PIK3C2G: variants seen among roughly 807,000 people sequenced by gnomAD.
The protein encoded by PIK3C2G is phosphatidylinositol 3-kinase C2 domain-containing subunit gamma.
A neutral mutation model predicts 181.1 loss-of-function variants in PIK3C2G; 168 were observed. The ratio of observed to expected loss-of-function variants is 0.93; its 90% CI spans 0.82 to 1.05. PIK3C2G has a LOEUF of 1.05. Ranked by LOEUF, PIK3C2G falls within the 50% of genes least tolerant of loss-of-function variation. The pLI is 0.00. For synonymous variants in PIK3C2G, 573 were observed against 592.2 expected (o/e 0.97, Z 0.47); for missense variants, 1,869 against 1,732.8 (o/e 1.08, Z -1.40).
At chr12:18,455,331 T>C (rs1173624739) in intron 18 of PIK3C2G, among the ~76,000 whole-genome samples, 1 of 151,200 alleles carries the variant, frequency 6.6e-6, no homozygotes, top group Non-Finnish European at 1.5e-5. Context: ...ACCTAAGGTA[T>C]GCCAGGAGGT....
the PIK3C2G span, among the ~76,000 whole-genome samples, chr12:18,723,927 C>T: frequency 1.3e-5 from 2 of 152,052 alleles, no homozygotes; most frequent in South Asian, 2.1e-4. Flanking sequence ...GAGTCAGACA[C>T]ATTCAAGATC....
chr12:18,298,434 C>A (rs1186361890), intron 5 of PIK3C2G, among the ~76,000 whole-genome samples: 1 of 119,942 alleles, frequency 8.3e-6, no homozygotes, highest in South Asian at 2.5e-4. Flanking sequence ...TGTTGAGTTT[C>A]TTTTATATTC....
chr12:18,342,645 G>C (rs1939251230), intron 9 of PIK3C2G, among the ~76,000 whole-genome samples: 1 of 151,686 alleles, frequency 6.6e-6, no homozygotes, highest in Non-Finnish European at 1.5e-5. Flanking sequence ...TTTCATGATA[G>C]TTTAGTTACA....
chr12:18,610,288 T>C (rs56099344), intron 31 of PIK3C2G, among the ~76,000 whole-genome samples: 5,495 of 152,156 alleles, frequency 0.036, 102 homozygotes, highest in Middle Eastern at 0.075. Flanking sequence ...CTCCACGTGG[T>C]ATAACTTCCC....
At chr12:18,641,743 CTTTTT>C (rs11285609) in intron 32 of PIK3C2G, among the ~76,000 whole-genome samples, 5 of 93,164 alleles carry the variant, frequency 5.4e-5, no homozygotes, top group African/African-American at 1.5e-4. Flanking sequence ...CTCTCTCAAG[CTTTTT>C]TTTTTTTTTT....
intron 29 of PIK3C2G, among the ~76,000 whole-genome samples, chr12:18,581,512 A>G (rs1946498175): frequency 6.6e-6 from 1 of 152,220 alleles, no homozygotes; most frequent in Non-Finnish European, 1.5e-5. Context: ...CTCTTAGTGC[A>G]CAAGCACTGA....
chr12:18,288,052 C>T (rs1346579130), intron 3 of PIK3C2G, among the ~76,000 whole-genome samples: 6 of 151,974 alleles, frequency 3.9e-5, no homozygotes, highest in African/African-American at 1.5e-4. Context: ...ATCCCAGCTA[C>T]TCGGGAGGCT....
chr12:18,456,074 C>A (rs1362917745), intron 18 of PIK3C2G, among the ~76,000 whole-genome samples: 3 of 152,120 alleles, frequency 2.0e-5, no homozygotes, highest in Non-Finnish European at 4.4e-5. Context: ...AACAAAGACA[C>A]AAGTCCTTGT....
chr12:18,441,364 GA>G (rs1158137156), intron 18 of PIK3C2G, among the ~76,000 whole-genome samples: 1 of 152,194 alleles, frequency 6.6e-6, no homozygotes, highest in Non-Finnish European at 1.5e-5. Context: ...GGTAATGGTT[GA>G]AGAGGGACAT....
intron 1 of PIK3C2G, among the ~76,000 whole-genome samples, chr12:18,253,737 T>C (rs1948117098): frequency 6.6e-6 from 1 of 152,168 alleles, no homozygotes; most frequent in African/African-American, 2.4e-5. Context: ...ACAAAGTAAT[T>C]CCAGCTTGAT....
In PIK3C2G at chr12:18,555,954, G is replaced by C. The variant is rs529230940; in HGVS notation, c.3591-6749G>C. Among the ~76,000 whole-genome samples, 234 of 152,178 alleles carry C rather than the reference G, an allele frequency of 1.5e-3. 2 individuals carry two copies. Among genetic ancestry groups the C allele is most frequent in the African/African-American group, 5.3e-3 (221 of 41,552 alleles). ...TATCTATTGCTGAAATAATTGGACT[G>C]CTCTTCTCTAAGGATGAAAAGATTA... is the stretch of plus-strand genomic sequence containing the variant. On this transcript the variant is annotated intron_variant, in intron 26 of 32. Coordinates refer to ENST00000538779, the MANE Select transcript of PIK3C2G (RefSeq NM_001288772.2).
chr12:18,573,800 T>G (rs995494244), intron 29 of PIK3C2G, among the ~76,000 whole-genome samples: 1 of 152,126 alleles, frequency 6.6e-6, no homozygotes, highest in East Asian at 1.9e-4. Context: ...CTACAGCCAT[T>G]CTCTCATAGG....
intron 10 of PIK3C2G, among the ~76,000 whole-genome samples, chr12:18,344,066 G>A (rs1256793396): frequency 5.9e-5 from 9 of 152,076 alleles, no homozygotes; most frequent in Non-Finnish European, 1.2e-4. Context: ...TCCCGTTATA[G>A]TAATATGCAT....
chr12:18,392,780 T>C (rs1943617846), intron 15 of PIK3C2G, among the ~76,000 whole-genome samples: 1 of 152,132 alleles, frequency 6.6e-6, no homozygotes, highest in South Asian at 2.1e-4. Context: ...TTTATCACTA[T>C]ATTTCTAATG....
At chr12:18,269,914 T>C (rs1948674043) in intron 1 of PIK3C2G, among the ~76,000 whole-genome samples, 1 of 145,486 alleles carries the variant, frequency 6.9e-6, no homozygotes, top group African/African-American at 2.5e-5. Flanking sequence ...TTTCTTTTCT[T>C]TTTTTTTTTT....
At chr12:18,630,207 A>ATG (rs1355557455) in intron 31 of PIK3C2G, among the ~76,000 whole-genome samples, 1 of 152,150 alleles carries the variant, frequency 6.6e-6, no homozygotes, top group Admixed American at 6.5e-5. Context: ...CCTGGCCAAC[A>ATG]TGGTGAAACC....
the PIK3C2G span, among the ~76,000 whole-genome samples, chr12:18,698,333 C>CTCTAT: frequency 2.0e-5 from 3 of 151,010 alleles, no homozygotes; most frequent in Middle Eastern, 3.4e-3. Flanking sequence ...CTCTATACTA[C>CTCTAT]TCTATTCTAT....
At chr12:18,387,426 C>T (rs1943243678) in intron 14 of PIK3C2G, among the ~76,000 whole-genome samples, 1 of 152,142 alleles carries the variant, frequency 6.6e-6, no homozygotes, top group Non-Finnish European at 1.5e-5. Context: ...ACACTTCAAG[C>T]TTCAATAACT....
chr12:18,673,584 T>A, the PIK3C2G span, among the ~76,000 whole-genome samples: 1 of 152,202 alleles, frequency 6.6e-6, no homozygotes, highest in African/African-American at 2.4e-5. Context: ...TCTATTGTTA[T>A]GTAACAAATT....
Sources: allele counts gnomAD v4.1 joint callset (sites outside exome capture counted in the v4.1 genomes callset), GRCh38; gene constraint gnomAD v4.1.1; transcripts MANE v1.5; gene names NCBI Gene and HGNC (gene_info 2026-07-23, HGNC 2026-07-21).